Variants in PSD3 observed in about 807,000 individuals in gnomAD.
PSD3 encodes the protein pleckstrin and Sec7 domain containing 3, also known as PH and SEC7 domain-containing protein 3.
Under a neutral mutation model 105.5 loss-of-function variants are expected in PSD3, and 49 were observed. That is an observed-to-expected ratio of 0.46 (90% CI 0.37 to 0.59). The LOEUF is 0.59. PSD3 is among the 20% of genes least tolerant of loss of function. PSD3 has a pLI of 0.00. For missense variants in PSD3, 1,561 were observed against 1,263.8 expected (o/e 1.24, Z -3.57); for synonymous variants, 557 against 457.8 (o/e 1.22, Z -2.77).
chr8:18,743,215 A>T (rs530802445), intron 9 of PSD3, among the ~76,000 whole-genome samples: 53 of 152,304 alleles, frequency 3.5e-4, no homozygotes, highest in African/African-American at 9.9e-4. Context: ...CATACAATTT[A>T]TTAATATGTA....
At chr8:18,867,422 G>C (rs1817021144) in intron 4 of PSD3, among the ~76,000 whole-genome samples, 1 of 152,080 alleles carries the variant, frequency 6.6e-6, no homozygotes, top group Non-Finnish European at 1.5e-5. Context: ...CCAAATATTT[G>C]TTTGGTATCC....
intron 14 of PSD3, among the ~76,000 whole-genome samples, chr8:18,560,884 T>A (rs530402323): frequency 3.3e-5 from 5 of 152,202 alleles, no homozygotes; most frequent in Non-Finnish European, 7.3e-5. Flanking sequence ...TGGAAAGTGA[T>A]TGAGTCCCTC....
chr8:18,581,304 C>A (rs995963422), intron 12 of PSD3, among the ~76,000 whole-genome samples: 2 of 152,124 alleles, frequency 1.3e-5, no homozygotes, highest in African/African-American at 4.8e-5. Flanking sequence ...GTCTTTTCTT[C>A]CATGAACGCT....
chr8:18,836,194 C>T (rs1028116181), intron 4 of PSD3, among the ~76,000 whole-genome samples: 4 of 152,106 alleles, frequency 2.6e-5, no homozygotes, highest in Non-Finnish European at 5.9e-5. Flanking sequence ...TTCAAAGTAA[C>T]CGTAACCCTG....
At chr8:18,647,162 G>C (rs886662955) in intron 10 of PSD3, among the ~76,000 whole-genome samples, 1 of 152,146 alleles carries the variant, frequency 6.6e-6, no homozygotes, top group African/African-American at 2.4e-5. Context: ...CAAAGAGGCA[G>C]CACTGATTTC....
intron 4 of PSD3, among the ~76,000 whole-genome samples, chr8:18,859,356 G>T (rs988887889): frequency 2.0e-5 from 3 of 151,804 alleles, no homozygotes; most frequent in South Asian, 2.1e-4. Context: ...AGGCAGAGTA[G>T]ATTTAAGGAT....
intron 1 of PSD3, among the ~76,000 whole-genome samples, chr8:18,953,758 G>C (rs1823391102): frequency 6.6e-6 from 1 of 150,754 alleles, no homozygotes. Flanking sequence ...AAAAAGAAAA[G>C]AAAAGAAAAG....
At chr8:18,704,386 G>A (rs549223345) in intron 9 of PSD3, among the ~76,000 whole-genome samples, 14 of 152,292 alleles carry the variant, frequency 9.2e-5, no homozygotes, top group African/African-American at 3.4e-4. Context: ...CGCACAGGCT[G>A]GAGTGCAGTT....
chr8:18,807,942 G>A (rs952359063), intron 4 of PSD3, among the ~76,000 whole-genome samples: 4 of 152,052 alleles, frequency 2.6e-5, no homozygotes, highest in African/African-American at 9.7e-5. Flanking sequence ...TCCTGTCTAT[G>A]ATGTAAACAT....
chr8:18,558,737 C>G (rs549280593), intron 14 of PSD3, among the ~76,000 whole-genome samples: 1 of 152,288 alleles, frequency 6.6e-6, no homozygotes, highest in East Asian at 1.9e-4. Flanking sequence ...AGGAGAATCA[C>G]TTGAACCTGG....
chr8:18,673,015 A>G (rs1333029586), intron 9 of PSD3, among the ~76,000 whole-genome samples: 5 of 152,316 alleles, frequency 3.3e-5, no homozygotes, highest in Non-Finnish European at 7.4e-5. Context: ...TCATTTATAT[A>G]ATCAAAAATT....
At chr8:18,706,014 T>G (rs538568739) in intron 9 of PSD3, among the ~76,000 whole-genome samples, 1 of 152,212 alleles carries the variant, frequency 6.6e-6, no homozygotes, top group African/African-American at 2.4e-5. Flanking sequence ...GCCAGTGGAC[T>G]ATGAACAAAT....
chr8:18,734,320 A>T (rs1276183571), intron 9 of PSD3: 1 of 152,230 alleles, frequency 6.6e-6, no homozygotes, highest in Non-Finnish European at 1.5e-5. Context: ...AATGAAATTC[A>T]TGTATATGTC....
chr8:18,784,612 C>A (rs935756404), intron 8 of PSD3, among the ~76,000 whole-genome samples: 1 of 152,140 alleles, frequency 6.6e-6, no homozygotes, highest in African/African-American at 2.4e-5. Context: ...GATCATCTAT[C>A]TGGGTTTAAT....
intron 9 of PSD3, among the ~76,000 whole-genome samples, chr8:18,701,778 A>G (rs1283835330): frequency 6.6e-6 from 1 of 152,250 alleles, no homozygotes; most frequent in African/African-American, 2.4e-5. Context: ...CAAATATAAG[A>G]GCTTTACAAC....
chr8:18,855,767 C>T lies in PSD3; in HGVS notation c.1634+11907G>A, dbSNP rs570396962. On this transcript the variant is annotated intron_variant, in intron 4 of 15. Transcript: ENST00000327040. Reference sequence around the variant, plus strand: ...GATAAACATCAGCAGCTCATGGTTACTTCACTACGTAGGGAAGGAAAGAGA... The same window carrying T: ...GATAAACATCAGCAGCTCATGGTTATTTCACTACGTAGGGAAGGAAAGAGA... Among the ~76,000 whole-genome samples, 3 of 152,274 alleles carry T rather than the reference C, an allele frequency of 2.0e-5. No homozygotes were observed. The South Asian group carries it at 6.2e-4, about 32-fold the overall frequency.
intron 12 of PSD3, among the ~76,000 whole-genome samples, chr8:18,586,169 T>C (rs184514828): frequency 8.5e-5 from 13 of 152,148 alleles, no homozygotes; most frequent in Non-Finnish European, 1.6e-4. Context: ...TATTAATGCT[T>C]CAACTTCCTG....
intron 1 of PSD3, among the ~76,000 whole-genome samples, chr8:19,075,047 G>A (rs1829421578): frequency 1.3e-5 from 2 of 151,880 alleles, no homozygotes; most frequent in South Asian, 4.1e-4. Flanking sequence ...CCAGGTTCAA[G>A]CAACTTTCCT....
At chr8:18,650,666 G>A (rs554754900) in intron 10 of PSD3, among the ~76,000 whole-genome samples, 6 of 152,292 alleles carry the variant, frequency 3.9e-5, no homozygotes, top group Non-Finnish European at 7.3e-5. Flanking sequence ...GCACAGCACT[G>A]GGCCAGGCAC....
Sources: allele counts gnomAD v4.1 joint callset (sites outside exome capture counted in the v4.1 genomes callset), GRCh38; gene constraint gnomAD v4.1.1; transcripts MANE v1.5; gene names NCBI Gene and HGNC (gene_info 2026-07-23, HGNC 2026-07-21).